KBTBD2: variants seen among roughly 807,000 people sequenced by gnomAD.
The protein encoded by KBTBD2 is kelch repeat and BTB domain-containing protein 2.
A neutral mutation model predicts 57.1 loss-of-function variants in KBTBD2; 17 were observed. The observed-to-expected ratio is 0.30, with a 90% confidence interval of 0.20 to 0.45. KBTBD2 has a LOEUF of 0.45. Among genes scored for constraint, KBTBD2 ranks in the 20% least tolerant of loss-of-function variants. KBTBD2 has a pLI of 1.00. For missense variants in KBTBD2, 515 were observed against 750.6 expected, an observed-to-expected ratio of 0.69 and a Z score of 3.67; for synonymous variants, 267 against 262.7, an observed-to-expected ratio of 1.02 and a Z score of -0.16.
chr7:32,890,118 A>T (rs1784693538), intron 1 of KBTBD2, among the ~76,000 whole-genome samples: 1 of 152,246 alleles, frequency 6.6e-6, no homozygotes, highest in Admixed American at 6.5e-5. Flanking sequence ...AACTGTGCAA[A>T]GAAAACACCA....
chr7:32,878,880 CT>C (rs1784381239), intron 2 of KBTBD2, among the ~76,000 whole-genome samples: 1 of 152,180 alleles, frequency 6.6e-6, no homozygotes, highest in East Asian at 1.9e-4. Context: ...ACTAAATTAA[CT>C]TCTGCATTCA....
At chr7:32,885,803 C>T (rs1423541611) in intron 1 of KBTBD2, among the ~76,000 whole-genome samples, 5 of 152,018 alleles carry the variant, frequency 3.3e-5, no homozygotes, top group African/African-American at 9.7e-5. Flanking sequence ...TTAAGTCCTG[C>T]GCTCAATTCA....
chr7:32,868,743 A>G lies in KBTBD2; in HGVS notation c.*602T>C, dbSNP rs902277358. The G allele has an allele frequency of 2.0e-5, 3 of 152,714 alleles. No individual in the cohort carries two copies. The highest frequency in any genetic ancestry group is 4.4e-5 in the Non-Finnish European group (3 of 68,088). The allele number at this position is 152,714 out of a possible 1,614,324, so 9.5% of individuals were successfully genotyped here. A position where few individuals can be genotyped will look rare whatever the true frequency, so the allele number is the denominator to read the frequency against. On this transcript the variant is annotated 3_prime_UTR_variant, in exon 4 of 4. Coordinates refer to ENST00000304056, the MANE Select transcript of KBTBD2 (RefSeq NM_015483.3). ...AGACCTGTATTCTAGATAGACAAGT[A>G]TAAGTTAGTGAAAAGAGAATACATG...
chr7:32,881,667 G>C (rs918264647), intron 1 of KBTBD2, among the ~76,000 whole-genome samples: 1 of 152,182 alleles, frequency 6.6e-6, no homozygotes, highest in African/African-American at 2.4e-5. Context: ...TGCTCTTCCA[G>C]AACAGCATGT....
At chr7:32,883,927 T>G (rs1784503501) in intron 1 of KBTBD2, among the ~76,000 whole-genome samples, 1 of 152,220 alleles carries the variant, frequency 6.6e-6, no homozygotes, top group African/African-American at 2.4e-5. Context: ...TAGACAAACT[T>G]AAAAGCCAAG....
intron 1 of KBTBD2, among the ~76,000 whole-genome samples, chr7:32,889,409 TG>T: frequency 2.0e-5 from 3 of 152,126 alleles, no homozygotes; most frequent in African/African-American, 7.2e-5. Context: ...GAGACCAGCC[TG>T]ACCAACATGG....
intron 1 of KBTBD2, among the ~76,000 whole-genome samples, chr7:32,890,010 T>A (rs1225284021): frequency 2.0e-5 from 3 of 152,242 alleles, no homozygotes; most frequent in African/African-American, 7.2e-5. Context: ...CCCATCTCCT[T>A]ACATGCCCTG....
intron 1 of KBTBD2, among the ~76,000 whole-genome samples, chr7:32,884,528 A>G (rs1784521223): frequency 6.6e-6 from 1 of 151,912 alleles, no homozygotes; most frequent in South Asian, 2.1e-4. Context: ...CGTCTCTACT[A>G]AAAATACAAA....
Position 32,889,863 on chromosome 7 carries a change from G to C in KBTBD2, c.-339+1673C>G, listed in dbSNP as rs191612673. 4.0e-3 allele frequency among the ~76,000 whole-genome samples: 605 copies of C among 152,252 alleles called. 5 individuals are homozygous for C. Among genetic ancestry groups the C allele is most frequent in the Non-Finnish European group, 5.7e-3 (388 of 68,018 alleles). On this transcript the variant is annotated intron_variant, in intron 1 of 3. Coordinates refer to ENST00000304056, the MANE Select transcript of KBTBD2 (RefSeq NM_015483.3). ...ACCAATGTTATCATTTGGCTTTTAA[G>C]ACTGCATTCAAGTTTCTAGGAATTC...
intron 3 of KBTBD2, among the ~76,000 whole-genome samples, chr7:32,873,739 A>T (rs1002538033): frequency 2.6e-5 from 4 of 152,174 alleles, no homozygotes; most frequent in African/African-American, 9.7e-5. Flanking sequence ...CGTCTCAAAA[A>T]AAAATTACTT....
rs145641940 is a variant in KBTBD2, at chr7:32,870,007, T to C, written c.1210A>G (p.Thr404Ala). 2.5e-5 allele frequency: 41 copies of C among 1,614,060 alleles called. No individual in the cohort carries two copies. Among genetic ancestry groups the C allele is most frequent in the Non-Finnish European group, 3.3e-5 (39 of 1,180,018 alleles). ...LNRRTVERYD[T>A]EKDEWTMVSP... The stretch of plus-strand genomic sequence containing the variant: ...ACCATCGTCCACTCATCTTTCTCAG[T>C]GTCGTATCTTTCTACGGTCCTCCGA... The change falls in exon 4 of 4, where the codon ACT becomes GCT. Residue 404 changes from threonine (T) to alanine (A), a missense_variant. Thr to Ala is a moderately conservative substitution (Grantham distance 58). Transcript: ENST00000304056.
At chr7:32,884,404 A>T (rs1784517412) in intron 1 of KBTBD2, among the ~76,000 whole-genome samples, 1 of 149,308 alleles carries the variant, frequency 6.7e-6, no homozygotes, top group African/African-American at 2.5e-5. Flanking sequence ...AAAAAAAAAA[A>T]AAAGGCTGGG....
At chr7:32,875,461 A>G (rs1784289050) in intron 2 of KBTBD2, among the ~76,000 whole-genome samples, 1 of 151,998 alleles carries the variant, frequency 6.6e-6, no homozygotes, top group African/African-American at 2.4e-5. Flanking sequence ...AGTAGAGACA[A>G]GGCCTCCCTA....
At position 32,885,513 on chromosome 7, in the gene KBTBD2, CA is replaced by C. The variant is rs944552182; in HGVS notation, c.-338-5572del. Reference sequence around the variant, plus strand: ...GACATCTCTCCCCAAGATAACCTGCCAAAAAAAAAATCCATACTGAGAAAAA... The same window carrying C: ...GACATCTCTCCCCAAGATAACCTGCCAAAAAAAAATCCATACTGAGAAAAA... On this transcript the variant is annotated intron_variant, in intron 1 of 3. Coordinates refer to ENST00000304056, the MANE Select transcript of KBTBD2 (RefSeq NM_015483.3). Among the ~76,000 whole-genome samples, 27 of 143,004 alleles carry C rather than the reference CA, an allele frequency of 1.9e-4. No homozygotes were observed. In the East Asian group the frequency reaches 2.4e-3, roughly 13 times the overall value. 93.8% of individuals were successfully genotyped at this position (143,004 alleles called of 152,430 possible).
At chr7:32,882,428 A>T (rs1157505176) in intron 1 of KBTBD2, among the ~76,000 whole-genome samples, 2 of 152,176 alleles carry the variant, frequency 1.3e-5, no homozygotes, top group Admixed American at 1.3e-4. Context: ...GGGAGGCCTC[A>T]TTTACGACTG....
upstream of KBTBD2, chr7:32,892,115 G>A (rs923756260): frequency 1.3e-5 from 2 of 152,138 alleles, no homozygotes; most frequent in African/African-American, 4.8e-5. Flanking sequence ...CTTTTCCTCT[G>A]CCGGATGCCA....
Position 32,869,888 on chromosome 7 carries a change from A to G in KBTBD2, c.1329T>C (p.Phe443=). Residue 443 remains phenylalanine (F), a synonymous_variant, in exon 4 of 4, where the codon TTT becomes TTC. Transcript: ENST00000304056. ...TTTCTACCCATGAGTCAGACCTTGG[A>G]AAATAACAGTACATGAGGTTCAGTG... The part of the protein sequence containing the change: ...VMTLNLMYCY[F]PRSDSWVEMA... 1 of 1,613,836 alleles carries G rather than the reference A, an allele frequency of 6.2e-7. No homozygotes were observed. The highest frequency in any genetic ancestry group is 8.5e-7 in the Non-Finnish European group (1 of 1,180,020).
intron 1 of KBTBD2, among the ~76,000 whole-genome samples, chr7:32,881,100 CA>C (rs10617384): frequency 0.79 from 99,908 of 125,702 alleles, 38,888 homozygotes; most frequent in African/African-American, 0.92. Context: ...GACACCGTCT[CA>C]AAAAAAAAAA....
intron 1 of KBTBD2, among the ~76,000 whole-genome samples, chr7:32,890,173 C>T (rs913178983): frequency 2.0e-5 from 3 of 152,278 alleles, no homozygotes; most frequent in Admixed American, 6.5e-5. Flanking sequence ...AACAGAAAGG[C>T]CACAGCACTC....
Sources: gnomAD v4.1 joint callset for allele counts (sites outside exome capture counted in the v4.1 genomes callset) on GRCh38, gnomAD v4.1.1 for gene constraint, MANE v1.5 for transcripts, NCBI Gene and HGNC (gene_info 2026-07-23, HGNC 2026-07-21) for gene names.